Variants in ME3 observed in about 807,000 individuals in gnomAD.
ME3 encodes NADP-dependent malic enzyme, mitochondrial.
Under a neutral mutation model 68.9 loss-of-function variants are expected in ME3, and 48 were observed. The ratio of observed to expected loss-of-function variants is 0.70; its 90% CI spans 0.55 to 0.89. The LOEUF (loss-of-function observed/expected upper bound fraction) is 0.89. Ranked by LOEUF, ME3 falls within the 40% of genes least tolerant of loss-of-function variation. ME3 has a pLI of 0.00. For synonymous variants in ME3, 320 were observed against 318.8 expected (o/e 1.00, Z -0.04); for missense variants, 675 against 797.4 (o/e 0.85, Z 1.85).
intron 2 of ME3, among the ~76,000 whole-genome samples, chr11:86,615,896 T>C (rs1942924383): frequency 6.6e-6 from 1 of 152,154 alleles, no homozygotes; most frequent in Admixed American, 6.5e-5. Flanking sequence ...TTTGAAAAGA[T>C]TAAAAACCAC....
At position 86,480,037 on chromosome 11, in the gene ME3, T is replaced by C. The variant is rs12283825; in HGVS notation, c.809+7300A>G. Among the ~76,000 whole-genome samples the C allele has an allele frequency of 8.9e-3, 1,352 of 152,312 alleles. 26 individuals are homozygous for C. Among genetic ancestry groups the C allele is most frequent in the African/African-American group, 0.03 (1,264 of 41,556 alleles). ...TTTCGCCATGTTGGCCAGGCTGGTC[T>C]TGAACTCCTGACCTCAAGTGATCCA... On this transcript the variant is annotated intron_variant, in intron 7 of 14. Transcript: ENST00000543262.
At chr11:86,576,375 C>T (rs902942070) in intron 2 of ME3, among the ~76,000 whole-genome samples, 10 of 152,082 alleles carry the variant, frequency 6.6e-5, no homozygotes, top group Non-Finnish European at 1.0e-4. Flanking sequence ...CCTTTGGAGG[C>T]GAGAGGAGGT....
At chr11:86,517,644 G>A (rs1352690819) in intron 4 of ME3, among the ~76,000 whole-genome samples, 1 of 152,064 alleles carries the variant, frequency 6.6e-6, no homozygotes, top group East Asian at 1.9e-4. Context: ...ACAGACCTCT[G>A]GCAATGAGAG....
chr11:86,456,017 C>T (rs1441601593), intron 8 of ME3, among the ~76,000 whole-genome samples: 1 of 152,216 alleles, frequency 6.6e-6, no homozygotes, highest in Non-Finnish European at 1.5e-5. Context: ...TTCTCTGCCT[C>T]CCTCCAAGTA....
chr11:86,608,757 A>G (rs186253171), intron 2 of ME3, among the ~76,000 whole-genome samples: 282 of 152,360 alleles, frequency 1.9e-3, no homozygotes, highest in Non-Finnish European at 3.4e-3. Flanking sequence ...GATGAAATAC[A>G]TTGTGAATAT....
intron 8 of ME3, among the ~76,000 whole-genome samples, chr11:86,453,531 C>A (rs1185519487): frequency 6.6e-6 from 1 of 152,196 alleles, no homozygotes; most frequent in Non-Finnish European, 1.5e-5. Flanking sequence ...ATGCTTCCCC[C>A]CCACCACCCC....
At chr11:86,662,326 A>T (rs10160338) in intron 2 of ME3, among the ~76,000 whole-genome samples, 12,090 of 152,292 alleles carry the variant, frequency 0.079, 1,050 homozygotes, top group East Asian at 0.39. Context: ...CATCTGTCAT[A>T]TAAGAACAAT....
intron 4 of ME3, among the ~76,000 whole-genome samples, chr11:86,527,341 G>GC (rs1181612295): frequency 6.6e-6 from 1 of 152,126 alleles, no homozygotes; most frequent in Non-Finnish European, 1.5e-5. Context: ...AACGAACAAA[G>GC]CCTCCAAGAA....
chr11:86,448,299 G>GT (rs778255250), intron 10 of ME3, 44 bp from the exon 11 acceptor site: 1 of 1,426,800 alleles, frequency 7.0e-7, no homozygotes, highest in African/African-American at 1.4e-5. Context: ...GTGATGGCCT[G>GT]TTGGGTAGGA....
rs869098620 is a variant in ME3 at position 86,567,243 on chromosome 11, A to AAAGAAAGAAAGAAAGG, written c.184-7421_184-7420insCCTTTCTTTCTTTCTT. Among the ~76,000 whole-genome samples, 240 of 144,572 alleles carry AAAGAAAGAAAGAAAGG rather than the reference A, an allele frequency of 1.7e-3. 3 individuals carry two copies. Among genetic ancestry groups the AAAGAAAGAAAGAAAGG allele is most frequent in the Admixed American group, 0.016 (222 of 14,278 alleles). The allele number at this position is 144,572 out of a possible 152,430, so 94.8% of individuals were successfully genotyped here. On this transcript the variant is annotated intron_variant, in intron 2 of 14. Transcript: ENST00000543262. ...AAAGAAAGAAAGAAAGAAAAGAAAG[A>AAAGAAAGAAAGAAAGG]AAGGAAGGAAGGAAGGAAGGAAGGA...
At chr11:86,662,398 G>A (rs1450606122) in intron 2 of ME3, among the ~76,000 whole-genome samples, 1 of 152,076 alleles carries the variant, frequency 6.6e-6, no homozygotes, top group Non-Finnish European at 1.5e-5. Context: ...AGACCAGCCT[G>A]GCCAACATAA....
rs1475704940 is a variant in ME3, at chr11:86,445,855, A to G, written c.1554+459T>C. On this transcript the variant is annotated intron_variant, in intron 13 of 14. Transcript: ENST00000543262. ...CTCCAAGGAGAAAAAAACAAGTATG[A>G]CACCCACCCCCTCCCTTACAGAAAG... 7.9e-5 allele frequency among the ~76,000 whole-genome samples: 12 copies of G among 152,128 alleles called. No individual in the cohort carries two copies. The East Asian group carries it at 2.1e-3, about 27-fold the overall frequency.
chr11:86,650,758 G>T (rs688119), intron 2 of ME3, among the ~76,000 whole-genome samples: 2 of 152,020 alleles, frequency 1.3e-5, no homozygotes, highest in Admixed American at 6.5e-5. Context: ...CAGGACAGTG[G>T]GTGCAGCACA....
rs78447976 is a variant in ME3, at chr11:86,454,054, C to A, written c.920-3656G>T. 1.2e-3 allele frequency among the ~76,000 whole-genome samples: 179 copies of A among 152,270 alleles called. 1 individual carries two copies. The highest frequency in any genetic ancestry group is 4.2e-3 in the African/African-American group (173 of 41,546). The stretch of plus-strand genomic sequence containing the variant: ...GAGCTCACAATAAAGTAATCACAAT[C>A]AGCAACACTCCACGATGGTGAAACC... On this transcript the variant is annotated intron_variant, in intron 8 of 14. Transcript: ENST00000543262.
At chr11:86,520,816 A>T (rs1954218227) in intron 4 of ME3, among the ~76,000 whole-genome samples, 1 of 150,672 alleles carries the variant, frequency 6.6e-6, no homozygotes, top group African/African-American at 2.5e-5. Flanking sequence ...GAGCATTTAG[A>T]ACAAGGGCAA....
intron 2 of ME3, among the ~76,000 whole-genome samples, chr11:86,614,933 A>G (rs1322694469): frequency 6.6e-6 from 1 of 152,196 alleles, no homozygotes; most frequent in African/African-American, 2.4e-5. Flanking sequence ...GATAAAATGT[A>G]CTAAATACTA....
At chr11:86,516,785 TC>T (rs957674474) in intron 4 of ME3, among the ~76,000 whole-genome samples, 2 of 152,158 alleles carry the variant, frequency 1.3e-5, no homozygotes, top group Non-Finnish European at 2.9e-5. Context: ...TACATCACTG[TC>T]CCCTGATTCA....
At chr11:86,464,333 A>G (rs1950372483) in intron 8 of ME3, among the ~76,000 whole-genome samples, 1 of 152,206 alleles carries the variant, frequency 6.6e-6, no homozygotes, top group Non-Finnish European at 1.5e-5. Context: ...GCACTTCTAG[A>G]TCAAGTGAGA....
At chr11:86,545,035 A>G (rs976911198) in intron 4 of ME3, among the ~76,000 whole-genome samples, 3 of 152,168 alleles carry the variant, frequency 2.0e-5, no homozygotes, top group Non-Finnish European at 4.4e-5. Context: ...AAATCAATAA[A>G]CGTAATCCAT....
Sources: gnomAD v4.1 joint callset for allele counts (sites outside exome capture counted in the v4.1 genomes callset) on GRCh38, gnomAD v4.1.1 for gene constraint, MANE v1.5 for transcripts, NCBI Gene and HGNC (gene_info 2026-07-23, HGNC 2026-07-21) for gene names.